The following SIX6 variants were observed in gnomAD, a reference collection of about 807,000 sequenced individuals.
SIX6 encodes the protein homeobox protein SIX6.
In SIX6, 14 loss-of-function variants were observed where a neutral mutation model predicts 23.6. That is an observed-to-expected ratio of 0.59 (90% CI 0.39 to 0.93). SIX6 has a LOEUF of 0.93. Ranked by LOEUF, SIX6 falls within the 40% of genes least tolerant of loss-of-function variation. SIX6 has a pLI of 0.00. For missense variants in SIX6, 307 were observed against 325.6 expected (o/e 0.94, Z 0.44); for synonymous variants, 128 against 144.9 (o/e 0.88, Z 0.84).
chr14:60,509,864 A>T lies in SIX6; in HGVS notation c.466A>T (p.Ser156Cys), dbSNP rs1272560627. The T allele has an allele frequency of 2.0e-5, 33 of 1,613,638 alleles. 1 individual carries two copies. Among genetic ancestry groups the T allele is most frequent in the Non-Finnish European group, 1.1e-5 (13 of 1,179,804 alleles). Residue 156 changes from serine (S) to cysteine (C), a missense_variant, in exon 1 of 2, where the codon AGC becomes TGC. Physicochemically the swap from Ser to Cys is moderately radical, Grantham distance 112. Transcript: ENST00000327720. ...WYLQDPYPNP[S>C]KKRELAQATG... Reference sequence around the variant, plus strand: ...CCTGCAGGATCCATACCCTAACCCCAGCAAAAAACGTGAGCTCGCCCAGGC... The same window carrying T: ...CCTGCAGGATCCATACCCTAACCCCTGCAAAAAACGTGAGCTCGCCCAGGC...
Position 60,511,337 on chromosome 14 carries a change from T to A in SIX6, c.*85T>A. The stretch of plus-strand genomic sequence containing the variant: ...AAAGAGGGGAAGAAGATGAGAGACC[T>A]GCAAATCCAGCGCCACAGAAGCCAG... On this transcript the variant is annotated 3_prime_UTR_variant, in exon 2 of 2. Transcript: ENST00000327720. 1.4e-6 allele frequency: 2 copies of A among 1,471,156 alleles called. No homozygotes were observed. The highest frequency in any genetic ancestry group is 1.4e-5 in the African/African-American group (1 of 72,206). The allele number at this position is 1,471,156 out of a possible 1,614,324, so 91.1% of individuals were successfully genotyped here.
At chr14:60,510,150 G>A (rs1893268870) in intron 1 of SIX6, among the ~76,000 whole-genome samples, 180 bp downstream of exon 1, 1 of 152,180 alleles carries the variant, frequency 6.6e-6, no homozygotes, top group Admixed American at 6.5e-5. Flanking sequence ...TGCCGGCTCT[G>A]CTTCCCCACC....
intron 1 of SIX6, 142 bp from the exon 2 acceptor site, chr14:60,510,942 T>A: frequency 1.2e-6 from 1 of 848,014 alleles, no homozygotes; most frequent in Non-Finnish European, 1.8e-6. Context: ...TCTGTCGCCT[T>A]GCCGAGTAAT....
chr14:60,510,112 G>T, intron 1 of SIX6, 142 bp downstream of exon 1: 1 of 748,348 alleles, frequency 1.3e-6, no homozygotes, highest in East Asian at 2.7e-5. Context: ...AGAGCCCTGC[G>T]TTCTGGGCTC....
rs1893267451 is a variant in SIX6 at position 60,510,055 on chromosome 14, G to A, written c.572+85G>A. ...CTCTGGCGCCCTTACCCAGTCCCTG[G>A]CGACTCCAATTCAGCAGGAGTTGGG... On this transcript the variant is annotated intron_variant, in intron 1 of 1. Coordinates refer to ENST00000327720, the MANE Select transcript of SIX6 (RefSeq NM_007374.3). 5 of 1,219,170 alleles carry A rather than the reference G, an allele frequency of 4.1e-6. No homozygotes were observed. The South Asian group carries it at 6.5e-5, about 16-fold the overall frequency. 75.5% of individuals were successfully genotyped at this position (1,219,170 alleles called of 1,614,324 possible).
In SIX6 at chr14:60,509,954, G is replaced by C. The variant is rs1893265555; in HGVS notation, c.556G>C (p.Ala186Pro). ...AAACCGCCGACAAAGGGACCGAGCG[G>C]CTGCAGCCAAGAACAGGTCGGTACC... ...FKNRRQRDRA[A>P]AAKNRLQQQV... Residue 186 changes from alanine to proline, a missense_variant, in exon 1 of 2, where the codon GCT becomes CCT. Coordinates refer to ENST00000327720, the MANE Select transcript of SIX6 (RefSeq NM_007374.3). 1.9e-6 allele frequency: 3 copies of C among 1,605,420 alleles called. No individual in the cohort carries two copies. The highest frequency in any genetic ancestry group is 1.3e-5 in the African/African-American group (1 of 74,614).
Position 60,509,605 on chromosome 14 carries a change from G to C in SIX6, c.207G>C (p.Glu69Asp), listed in dbSNP as rs764765669. 1.9e-6 allele frequency: 3 copies of C among 1,613,582 alleles called. No individual in the cohort carries two copies. The highest frequency in any genetic ancestry group is 2.5e-6 in the Non-Finnish European group (3 of 1,180,010). The change falls in exon 1 of 2, where the codon GAG (glutamate) becomes GAC (aspartate). Residue 69 changes from glutamate (E) to aspartate (D), a missense_variant. By Grantham distance (45) the Glu-to-Asp change is conservative (BLOSUM62 2). Transcript: ENST00000327720. ...CCTTTCACGGTGGCAACTACCGCGA[G>C]CTCTATCATATCCTGGAAAACCACA... ...IVAFHGGNYR[E>D]LYHILENHKF...
chr14:60,509,664 C>G lies in SIX6; in HGVS notation c.266C>G (p.Ala89Gly). The change falls in exon 1 of 2, where the codon GCG becomes GGG. Residue 89 changes from alanine to glycine, a missense_variant. Coordinates refer to ENST00000327720, the MANE Select transcript of SIX6 (RefSeq NM_007374.3). ...AAGGAGTCGCACGCCAAGCTGCAGG[C>G]GCTGTGGCTTGAAGCACACTACCAG... ...FTKESHAKLQ[A>G]LWLEAHYQEA... The G allele has an allele frequency of 6.2e-7, 1 of 1,614,008 alleles. No individual in the cohort carries two copies. The highest frequency in any genetic ancestry group is 8.5e-7 in the Non-Finnish European group (1 of 1,180,022).
rs374116347 is a variant in SIX6 at position 60,509,931 on chromosome 14, A to AC, written c.535dup (p.Arg179ProfsTer143). The stretch of plus-strand genomic sequence containing the variant: ...ACGCAGGTGGGCAACTGGTTCAAAA[A>AC]CCGCCGACAAAGGGACCGAGCGGCT... On this transcript the variant is annotated frameshift_variant, in exon 1 of 2. Transcript: ENST00000327720. LOFTEE classifies it high-confidence loss of function. The AC allele has an allele frequency of 6.2e-7, 1 of 1,609,048 alleles. No homozygotes were observed. Among genetic ancestry groups the AC allele is most frequent in the Non-Finnish European group, 8.5e-7 (1 of 1,177,792 alleles).
chr14:60,510,875 T>C (rs1893280833), intron 1 of SIX6, among the ~76,000 whole-genome samples: 1 of 152,226 alleles, frequency 6.6e-6, no homozygotes, highest in Non-Finnish European at 1.5e-5. Context: ...GCGCGAATCA[T>C]GGTGGGGCAC....
chr14:60,512,817 T>C lies in SIX6; in HGVS notation c.*1565T>C, dbSNP rs577675285. The C allele has an allele frequency of 2.0e-5, 3 of 152,360 alleles. No homozygotes were observed. Among genetic ancestry groups the C allele is most frequent in the East Asian group, 3.9e-4 (2 of 5,190 alleles). The allele number at this position is 152,360 out of a possible 1,614,324, so 9.4% of individuals were successfully genotyped here. A position where few individuals can be genotyped will look rare whatever the true frequency, so the allele number is the denominator to read the frequency against. The stretch of plus-strand genomic sequence containing the variant: ...CTAATTTTGTTCCTAGTGAAACAGA[T>C]TGCATATTATAAAATTTGACATTGA... On this transcript the variant is annotated 3_prime_UTR_variant, in exon 2 of 2. Transcript: ENST00000327720.
intron 1 of SIX6, 131 bp downstream of exon 1, chr14:60,510,101 A>C (rs1893268186): frequency 1.2e-6 from 1 of 817,336 alleles, no homozygotes; most frequent in Non-Finnish European, 2.0e-6. Context: ...GTCTTGGGTT[A>C]AGAGCCCTGC....
Position 60,509,796 on chromosome 14 carries a change from A to C in SIX6, c.398A>C (p.His133Pro), listed in dbSNP as rs1893262649. 1.9e-6 allele frequency: 3 copies of C among 1,613,306 alleles called. No homozygotes were observed. Among genetic ancestry groups the C allele is most frequent in the Non-Finnish European group, 2.5e-6 (3 of 1,179,426 alleles). Residue 133 changes from histidine to proline, a missense_variant, in exon 1 of 2, where the codon CAC becomes CCC. By Grantham distance (77) the His-to-Pro change is moderately conservative. Transcript: ENST00000327720. Reference protein sequence around the residue: ...RTIWDGEQKTHCFKERTRHLL... With the variant: ...RTIWDGEQKTPCFKERTRHLL... ...ATTTGGGACGGCGAACAGAAGACACACTGCTTCAAGGAGCGCACGCGGCAC... is the reference window on the plus strand; with the variant it reads ...ATTTGGGACGGCGAACAGAAGACACCCTGCTTCAAGGAGCGCACGCGGCAC...
Position 60,511,136 on chromosome 14 carries a change from G to C in SIX6, c.625G>C (p.Gly209Arg). The change falls in exon 2 of 2, where the codon GGC becomes CGC. Residue 209 changes from glycine to arginine, a missense_variant. Gly to Arg is a moderately radical substitution (Grantham distance 125). Transcript: ENST00000327720. ...QGSGRALRAE[G>R]DGTPEVLGVA... ...TTCCGGGCGGGCACTACGGGCGGAGGGCGACGGCACGCCAGAGGTGCTGGG... is the reference window on the plus strand; with the variant it reads ...TTCCGGGCGGGCACTACGGGCGGAGCGCGACGGCACGCCAGAGGTGCTGGG... The C allele has an allele frequency of 6.2e-7, 1 of 1,612,886 alleles. No homozygotes were observed. The highest frequency in any genetic ancestry group is 8.5e-7 in the Non-Finnish European group (1 of 1,179,874).
At position 60,509,613 on chromosome 14, in the gene SIX6, A is replaced by G; in HGVS notation, c.215A>G (p.His72Arg). ...FHGGNYRELY[H>R]ILENHKFTKE... ...GGTGGCAACTACCGCGAGCTCTATC[A>G]TATCCTGGAAAACCACAAGTTCACC... The change falls in exon 1 of 2, where the codon CAT becomes CGT. Residue 72 changes from histidine (H) to arginine (R), a missense_variant. Transcript: ENST00000327720. 2 of 1,613,732 alleles carry G rather than the reference A, an allele frequency of 1.2e-6. No homozygotes were observed. Among genetic ancestry groups the G allele is most frequent in the South Asian group, 1.1e-5 (1 of 91,074 alleles).
rs1566690993 is a variant in SIX6 at position 60,509,865 on chromosome 14, GC to G, written c.468del (p.Ser156ArgfsTer12). The G allele has an allele frequency of 6.2e-7, 1 of 1,613,518 alleles. No homozygotes were observed. Among genetic ancestry groups the G allele is most frequent in the Non-Finnish European group, 8.5e-7 (1 of 1,179,740 alleles). The stretch of plus-strand genomic sequence containing the variant: ...CTGCAGGATCCATACCCTAACCCCA[GC>G]AAAAAACGTGAGCTCGCCCAGGCAA... ...WYLQDPYPNP[S>X]KKRELAQATG... On this transcript the variant is annotated frameshift_variant, in exon 1 of 2. Transcript: ENST00000327720. LOFTEE classifies it high-confidence loss of function.
rs932715838 is a variant in SIX6, at chr14:60,512,783, C to G, written c.*1531C>G. The G allele has an allele frequency of 2.6e-5, 4 of 152,166 alleles. No homozygotes were observed. The highest frequency in any genetic ancestry group is 1.5e-5 in the Non-Finnish European group (1 of 68,024). 9.4% of individuals were successfully genotyped at this position (152,166 alleles called of 1,614,324 possible). On this transcript the variant is annotated 3_prime_UTR_variant, in exon 2 of 2. Transcript: ENST00000327720. ...TTTGCACTAAGAAAATAAATGCTAGCCAGAGTCTCTAATTTTGTTCCTAGT... is the reference window on the plus strand; with the variant it reads ...TTTGCACTAAGAAAATAAATGCTAGGCAGAGTCTCTAATTTTGTTCCTAGT...
At position 60,511,495 on chromosome 14, in the gene SIX6, C is replaced by A. The variant is rs1893294226; in HGVS notation, c.*243C>A. 2 of 598,496 alleles carry A rather than the reference C, an allele frequency of 3.3e-6. No individual in the cohort carries two copies. The highest frequency in any genetic ancestry group is 3.0e-5 in the Admixed American group (1 of 33,854). 37.1% of individuals were successfully genotyped at this position (598,496 alleles called of 1,614,324 possible). A position where few individuals can be genotyped will look rare whatever the true frequency, so the allele number is the denominator to read the frequency against. Reference sequence around the variant, plus strand: ...CTGACCCAGCACCACGTTCTTCTTGCTTTGCTTTTTCCTAAGGATTTTGCT... The same window carrying A: ...CTGACCCAGCACCACGTTCTTCTTGATTTGCTTTTTCCTAAGGATTTTGCT... On this transcript the variant is annotated 3_prime_UTR_variant, in exon 2 of 2. Coordinates refer to ENST00000327720, the MANE Select transcript of SIX6 (RefSeq NM_007374.3).
In SIX6 at chr14:60,511,373, A is replaced by T. The variant is rs1037028804; in HGVS notation, c.*121A>T. The T allele has an allele frequency of 9.7e-6, 12 of 1,243,516 alleles. No individual in the cohort carries two copies. The highest frequency in any genetic ancestry group is 1.4e-5 in the Non-Finnish European group (12 of 865,502). 77.0% of individuals were successfully genotyped at this position (1,243,516 alleles called of 1,614,324 possible). ...CGCCACAGAAGCCAGGTGACCAGGG[A>T]CCCGCGGGCTCGGGTTGCCGTTTCC... is the stretch of plus-strand genomic sequence containing the variant. On this transcript the variant is annotated 3_prime_UTR_variant, in exon 2 of 2. Coordinates refer to ENST00000327720, the MANE Select transcript of SIX6 (RefSeq NM_007374.3).
Sources: gnomAD v4.1 joint callset for allele counts (sites outside exome capture counted in the v4.1 genomes callset) on GRCh38, gnomAD v4.1.1 for gene constraint, MANE v1.5 for transcripts, NCBI Gene and HGNC (gene_info 2026-07-23, HGNC 2026-07-21) for gene names.